EGFLAM: variants seen among roughly 807,000 people sequenced by gnomAD.
EGFLAM encodes pikachurin.
Under a neutral mutation model 113.1 loss-of-function variants are expected in EGFLAM, and 79 were observed. The observed-to-expected ratio is 0.70, with a 90% CI of 0.58 to 0.84. EGFLAM has a LOEUF of 0.84. Among genes scored for constraint, EGFLAM ranks in the 40% least tolerant of loss-of-function variants. EGFLAM has a pLI of 0.00. For synonymous variants in EGFLAM, 504 were observed against 487.6 expected, an observed-to-expected ratio of 1.03 and a Z score of -0.44; for missense variants, 1,265 against 1,291.6, an observed-to-expected ratio of 0.98 and a Z score of 0.32.
chr5:38,320,335 A>G (rs773942144), intron 1 of EGFLAM, among the ~76,000 whole-genome samples: 17 of 152,196 alleles, frequency 1.1e-4, no homozygotes, highest in Non-Finnish European at 1.9e-4. Flanking sequence ...GAAATTAGAA[A>G]CAGGGTGGGG....
chr5:38,451,508 C>A, intron 19 of EGFLAM, 50 bp downstream of exon 19: 1 of 1,593,378 alleles, frequency 6.3e-7, no homozygotes, highest in Middle Eastern at 1.7e-4. Context: ...TTTTCTCAGA[C>A]ATTGCAGATC....
chr5:38,261,933 T>G (rs1025768068), intron 1 of EGFLAM, among the ~76,000 whole-genome samples: 25 of 152,190 alleles, frequency 1.6e-4, no homozygotes, highest in African/African-American at 6.0e-4. Context: ...AAGGGGCCTC[T>G]GAAGAATGGG....
At chr5:38,358,792 A>G (rs1488500649) in intron 5 of EGFLAM, among the ~76,000 whole-genome samples, 2 of 152,182 alleles carry the variant, frequency 1.3e-5, no homozygotes, top group South Asian at 4.1e-4. Context: ...CTTTCTTTAT[A>G]GCCATAGATT....
intron 1 of EGFLAM, among the ~76,000 whole-genome samples, chr5:38,329,648 C>T (rs574964193): frequency 1.3e-4 from 20 of 152,254 alleles, no homozygotes; most frequent in South Asian, 4.1e-4. Flanking sequence ...GTTGTATATT[C>T]GTGGTTCGTC....
At chr5:38,456,253 A>C (rs865987983) in intron 19 of EGFLAM, among the ~76,000 whole-genome samples, 28 of 152,186 alleles carry the variant, frequency 1.8e-4, no homozygotes, top group African/African-American at 6.3e-4. Flanking sequence ...TTGACAGATG[A>C]GAATATGAAG....
chr5:38,412,743 A>T (rs1235233114), intron 11 of EGFLAM, 95 bp downstream of exon 11: 39 of 1,491,958 alleles, frequency 2.6e-5, no homozygotes, highest in Non-Finnish European at 3.3e-5. Context: ...CAGAGTCTGC[A>T]GGATTCAAGT....
chr5:38,323,337 G>C (rs1226456893), intron 1 of EGFLAM, among the ~76,000 whole-genome samples: 2 of 152,146 alleles, frequency 1.3e-5, no homozygotes, highest in Admixed American at 1.3e-4. Flanking sequence ...AGTTTCTAAT[G>C]CAACAGCCTA....
At chr5:38,360,819 ATTATTTATTTATTTATTTATTTAT>A (rs141116123) in intron 5 of EGFLAM, among the ~76,000 whole-genome samples, 2 of 141,820 alleles carry the variant, frequency 1.4e-5, no homozygotes, top group Non-Finnish European at 3.0e-5. Flanking sequence ...GTGTTTTGAA[ATTATTTATTTATTTATTTATTTAT>A]TTATTTATTT....
chr5:38,353,407 C>T (rs1420065207), intron 5 of EGFLAM, among the ~76,000 whole-genome samples: 1 of 152,202 alleles, frequency 6.6e-6, no homozygotes, highest in Non-Finnish European at 1.5e-5. Flanking sequence ...TGTCTGAGGC[C>T]TGCTGCTTTC....
At chr5:38,404,802 G>A in intron 6 of EGFLAM, among the ~76,000 whole-genome samples, 1 of 152,182 alleles carries the variant, frequency 6.6e-6, no homozygotes. Flanking sequence ...GTTAATACCT[G>A]TGCTGGCCCA....
At chr5:38,325,707 C>G (rs1406652996) in intron 1 of EGFLAM, among the ~76,000 whole-genome samples, 1 of 152,128 alleles carries the variant, frequency 6.6e-6, no homozygotes, top group Non-Finnish European at 1.5e-5. Context: ...CATAATTTAT[C>G]CATCTCTTTA....
At position 38,436,021 on chromosome 5, in the gene EGFLAM, T is replaced by A. The variant is rs190934981; in HGVS notation, c.2283+768T>A. On this transcript the variant is annotated intron_variant, in intron 16 of 21. Coordinates refer to ENST00000322350, the MANE Select transcript of EGFLAM (RefSeq NM_152403.4). ...TTAGTAGAGACAGGGTTTCACCATGTTGGCCAGGCTGGTCTCGAACTCCTG... is the reference window on the plus strand; with the variant it reads ...TTAGTAGAGACAGGGTTTCACCATGATGGCCAGGCTGGTCTCGAACTCCTG... Among the ~76,000 whole-genome samples, 444 of 152,206 alleles carry A rather than the reference T, an allele frequency of 2.9e-3. 1 individual carries two copies. The highest frequency in any genetic ancestry group is 0.017 in the Middle Eastern group (5 of 294).
At position 38,451,726 on chromosome 5, in the gene EGFLAM, C is replaced by T; in HGVS notation, c.2687+268C>T. 3 of 404,302 alleles carry T rather than the reference C, an allele frequency of 7.4e-6. 1 individual carries two copies. In the South Asian group the frequency reaches 1.3e-4, roughly 17 times the overall value. The allele number at this position is 404,302 out of a possible 1,614,324, so 25.0% of individuals were successfully genotyped here. On this transcript the variant is annotated intron_variant, in intron 19 of 21. Transcript: ENST00000322350. ...CTTGCTGGGGCCGGGCACAGTGGCT[C>T]ACGCCTGTAATCCTAGCACTTCGGG...
intron 1 of EGFLAM, among the ~76,000 whole-genome samples, chr5:38,281,110 G>A (rs1311715582): frequency 2.0e-5 from 3 of 152,188 alleles, no homozygotes; most frequent in Non-Finnish European, 4.4e-5. Context: ...CTATGAATAA[G>A]TTCTAGAGAT....
intron 10 of EGFLAM, among the ~76,000 whole-genome samples, chr5:38,409,514 TG>T (rs1741405301): frequency 6.6e-6 from 1 of 152,192 alleles, no homozygotes; most frequent in South Asian, 2.1e-4. Flanking sequence ...TACCTGGTGC[TG>T]GAGGTACTGT....
At chr5:38,386,439 C>T (rs2451013) in intron 6 of EGFLAM, among the ~76,000 whole-genome samples, 15,303 of 152,270 alleles carry the variant, frequency 0.1, 1,535 homozygotes, top group African/African-American at 0.26. Context: ...GTGACCCACC[C>T]GCTTTGACCT....
rs755759266 is a variant in EGFLAM at position 38,409,072 on chromosome 5, C to T, written c.1317C>T (p.Ser439=). ...ENEHGRGDFM[S]LAIIRRSLQF... ...AACACGGGAGGGGGGATTTCATGTCCCTGGCTATCATCCGACGCTCCCTGC... is the reference window on the plus strand; with the variant it reads ...AACACGGGAGGGGGGATTTCATGTCTCTGGCTATCATCCGACGCTCCCTGC... Residue 439 remains serine, a synonymous_variant, in exon 10 of 22, where the codon TCC becomes TCT. Transcript: ENST00000322350. The T allele has an allele frequency of 1.9e-6, 3 of 1,591,622 alleles. No individual in the cohort carries two copies. The highest frequency in any genetic ancestry group is 2.6e-6 in the Non-Finnish European group (3 of 1,167,730).
intron 1 of EGFLAM, among the ~76,000 whole-genome samples, chr5:38,274,806 C>T (rs1428259): frequency 0.61 from 93,004 of 151,984 alleles, 29,335 homozygotes; most frequent in African/African-American, 0.75. Context: ...AAATTCAGAA[C>T]ACTCTAATAC....
chr5:38,281,059 T>G (rs1427650930), intron 1 of EGFLAM, among the ~76,000 whole-genome samples: 1 of 152,148 alleles, frequency 6.6e-6, no homozygotes, highest in Non-Finnish European at 1.5e-5. Context: ...TGTGTGGTGT[T>G]GAGAAATGAT....
Sources: gnomAD v4.1 joint callset for allele counts (sites outside exome capture counted in the v4.1 genomes callset) on GRCh38, gnomAD v4.1.1 for gene constraint, MANE v1.5 for transcripts, NCBI Gene and HGNC (gene_info 2026-07-23, HGNC 2026-07-21) for gene names.